MYH13: variants seen among roughly 807,000 people sequenced by gnomAD.
MYH13 encodes the protein myosin heavy chain 13.
Under a neutral mutation model 232.1 loss-of-function variants are expected in MYH13, and 177 were observed. The ratio of observed to expected loss-of-function variants is 0.76; its 90% CI spans 0.67 to 0.86. The LOEUF (loss-of-function observed/expected upper bound fraction) is 0.86. Ranked by LOEUF, MYH13 falls within the 40% of genes least tolerant of loss-of-function variation. MYH13 has a pLI of 0.00. For synonymous variants in MYH13, 884 were observed against 923.5 expected (o/e 0.96, Z 0.78); for missense variants, 2,246 against 2,405.9 (o/e 0.93, Z 1.39).
chr17:10,328,123 T>C lies in MYH13; in HGVS notation c.2436-2A>G. The C allele has an allele frequency of 6.2e-7, 1 of 1,613,302 alleles. No individual in the cohort carries two copies. The highest frequency in any genetic ancestry group is 1.1e-5 in the South Asian group (1 of 90,840). The stretch of plus-strand genomic sequence containing the variant: ...TACTGGATGCAGAAGATGGAGTCCC[T>C]GTACACCCATTAGGACTCAAATTAA... On this transcript the variant is annotated splice_acceptor_variant, in intron 21 of 40. Coordinates refer to ENST00000252172, the MANE Select transcript of MYH13 (RefSeq NM_003802.3). LOFTEE classifies it high-confidence loss of function.
At chr17:10,329,154 G>T (rs1460529398) in intron 21 of MYH13, among the ~76,000 whole-genome samples, 1 of 151,970 alleles carries the variant, frequency 6.6e-6, no homozygotes, top group East Asian at 1.9e-4. Flanking sequence ...CACCAAGCTC[G>T]ATGCCTGGGA....
Position 10,313,265 on chromosome 17 carries a change from C to T in MYH13, c.4074G>A (p.Lys1358=), listed in dbSNP as rs758381568. 68 of 1,614,138 alleles carry T rather than the reference C, an allele frequency of 4.2e-5. No homozygotes were observed. In the South Asian group the frequency reaches 7.1e-4, roughly 17 times the overall value. The change falls in exon 30 of 41, where the codon AAG becomes AAA. Residue 1358 remains lysine, a synonymous_variant. Coordinates refer to ENST00000252172, the MANE Select transcript of MYH13 (RefSeq NM_003802.3). ...TGGACAGCGCCCTCTGCAGCTCGGC[C>T]TTGGCTTCCTGCTCCTCCTCATACT... ...REQYEEEQEA[K]AELQRALSKA...
At chr17:10,319,490 C>A (rs28574885) in intron 26 of MYH13, among the ~76,000 whole-genome samples, 2 of 145,988 alleles carry the variant, frequency 1.4e-5, no homozygotes, top group Non-Finnish European at 1.5e-5. Flanking sequence ...GCCTGGGTGA[C>A]AGAGCAAGAC....
rs1404353218 is a variant in MYH13 at position 10,303,375 on chromosome 17, A to G, written c.5571+19T>C. The G allele has an allele frequency of 1.2e-6, 2 of 1,613,170 alleles. No individual in the cohort carries two copies. Among genetic ancestry groups the G allele is most frequent in the Non-Finnish European group, 1.7e-6 (2 of 1,179,256 alleles). ...TTGGTCCATACAGCATTCACTGAGG[A>G]GGTTTTTGGGACCCCTACCTGGTAA... On this transcript the variant is annotated intron_variant, in intron 38 of 40. Transcript: ENST00000252172.
In MYH13 at chr17:10,320,182, G is replaced by A; in HGVS notation, c.3319C>T (p.Gln1107Ter). 6.3e-7 allele frequency: 1 copy of A among 1,599,800 alleles called. No homozygotes were observed. Among genetic ancestry groups the A allele is most frequent in the Non-Finnish European group, 8.5e-7 (1 of 1,172,534 alleles). ...KIDDEQVHSL[Q>*]FQKKIKELQA... Reference sequence around the variant, plus strand: ...AGTTCTTTAATCTTCTTTTGAAACTGCAAACTGTGGACTTGTTCGTCATCT... The same window carrying A: ...AGTTCTTTAATCTTCTTTTGAAACTACAAACTGTGGACTTGTTCGTCATCT... The change falls in exon 26 of 41, where the codon CAG becomes TAG. Residue 1107 changes from glutamine to a stop codon, truncating the protein, a stop_gained. Transcript: ENST00000252172. LOFTEE classifies it high-confidence loss of function.
At chr17:10,330,348 G>C in intron 21 of MYH13, 39 bp downstream of exon 21, 1 of 1,609,068 alleles carries the variant, frequency 6.2e-7, no homozygotes, top group Non-Finnish European at 8.5e-7. Context: ...CTGCTAAGCA[G>C]AGAGGGCAGG....
At chr17:10,320,937 A>G (rs1350852890) in intron 24 of MYH13, among the ~76,000 whole-genome samples, 2 of 152,218 alleles carry the variant, frequency 1.3e-5, no homozygotes, top group African/African-American at 4.8e-5. Flanking sequence ...GTGTGTGCAC[A>G]TACACACATG....
At chr17:10,335,532 C>T (rs574401019) in intron 18 of MYH13, among the ~76,000 whole-genome samples, 12 of 152,264 alleles carry the variant, frequency 7.9e-5, no homozygotes, top group East Asian at 7.7e-4. Context: ...GTGGGCGGAT[C>T]GCCTGAGGTC....
At chr17:10,356,202 T>C (rs1034259609) in intron 8 of MYH13, among the ~76,000 whole-genome samples, 1 of 152,186 alleles carries the variant, frequency 6.6e-6, no homozygotes, top group African/African-American at 2.4e-5. Context: ...CCTCAATATT[T>C]TCTGAATGAA....
chr17:10,343,661 G>A, intron 16 of MYH13, 139 bp downstream of exon 16: 1 of 1,015,644 alleles, frequency 9.8e-7, no homozygotes, highest in East Asian at 2.6e-5. Context: ...AAGAGCAGGA[G>A]GAAGAAAAAT....
intron 22 of MYH13, among the ~76,000 whole-genome samples, chr17:10,325,525 C>T (rs781204279): frequency 6.6e-5 from 10 of 152,080 alleles, no homozygotes; most frequent in African/African-American, 2.2e-4. Context: ...TGTGTCTCCT[C>T]GAACCACAGA....
chr17:10,330,576 CG>C, intron 20 of MYH13, 53 bp from the exon 21 acceptor site: 1 of 1,556,616 alleles, frequency 6.4e-7, no homozygotes, highest in Non-Finnish European at 8.7e-7. Context: ...GGCGTTCAGC[CG>C]GGCCCTTGAG....
intron 23 of MYH13, 35 bp from the exon 24 acceptor site, chr17:10,321,743 C>T (rs369828331): frequency 1.2e-4 from 182 of 1,558,166 alleles, no homozygotes; most frequent in Non-Finnish European, 5.7e-5. Flanking sequence ...AATATGGAAA[C>T]GATTATGCCA....
intron 22 of MYH13, among the ~76,000 whole-genome samples, chr17:10,325,542 A>G (rs1907169482): frequency 6.6e-6 from 1 of 152,216 alleles, no homozygotes; most frequent in Non-Finnish European, 1.5e-5. Flanking sequence ...CAGAACAGAA[A>G]ATTAAAAACA....
chr17:10,354,574 CT>C, intron 11 of MYH13, 105 bp downstream of exon 11: 1 of 1,036,726 alleles, frequency 9.6e-7, no homozygotes, highest in South Asian at 1.5e-5. Context: ...AGTCTAATCA[CT>C]TAGTATCCCT....
In MYH13 at chr17:10,312,069, G is replaced by A. The variant is rs542012126; in HGVS notation, c.4373C>T (p.Ala1458Val). 3 of 1,613,654 alleles carry A rather than the reference G, an allele frequency of 1.9e-6. No individual in the cohort carries two copies. In the East Asian group the frequency reaches 6.7e-5, roughly 36 times the overall value. ...KKQRNFDKVL[A>V]EWKQKLDESQ... ...TTCGTCCAGCTTTTGCTTCCACTCT[G>A]CAAGGACCTGGGAGATGACAAAGGG... is the stretch of plus-strand genomic sequence containing the variant. Residue 1458 changes from alanine (A) to valine (V), a missense_variant, in exon 32 of 41, where the codon GCA becomes GTA. Transcript: ENST00000252172.
intron 40 of MYH13, among the ~76,000 whole-genome samples, 167 bp from the exon 41 acceptor site, chr17:10,301,132 C>T (rs1271325738): frequency 2.6e-5 from 4 of 152,158 alleles, no homozygotes; most frequent in Non-Finnish European, 4.4e-5. Flanking sequence ...TAGCTACTGG[C>T]GACAGGACAA....
At position 10,309,615 on chromosome 17, in the gene MYH13, TC is replaced by T. The variant is rs1166929966; in HGVS notation, c.4871del (p.Gly1624GlufsTer42). 3 of 1,613,280 alleles carry T rather than the reference TC, an allele frequency of 1.9e-6. No homozygotes were observed. In the African/African-American group the frequency reaches 4.0e-5, roughly 22 times the overall value. On this transcript the variant is annotated frameshift_variant, in exon 34 of 41. Coordinates refer to ENST00000252172, the MANE Select transcript of MYH13 (RefSeq NM_003802.3). LOFTEE classifies it high-confidence loss of function. The stretch of plus-strand genomic sequence containing the variant: ...GCTGAATCTCCATCTCATTAAGGTC[TC>T]CCTCCATCTTCTTCTTTAGCCTCAG... The part of the protein sequence containing the change: ...DALRLKKKME[G>X]DLNEMEIQLG...
chr17:10,305,007 AACT>A (rs1271308157), intron 37 of MYH13, among the ~76,000 whole-genome samples: 3 of 152,120 alleles, frequency 2.0e-5, no homozygotes, highest in Non-Finnish European at 4.4e-5. Context: ...CAGCCTTGAA[AACT>A]ACTAATCGGA....
Sources: allele counts gnomAD v4.1 joint callset (sites outside exome capture counted in the v4.1 genomes callset), GRCh38; gene constraint gnomAD v4.1.1; transcripts MANE v1.5; gene names NCBI Gene and HGNC (gene_info 2026-07-23, HGNC 2026-07-21).